CECR2: variants seen among roughly 807,000 people sequenced by gnomAD.
The protein encoded by CECR2 is chromatin remodeling regulator CECR2.
CECR2 carries 30 observed loss-of-function variants against 154.5 expected under a neutral mutation model. The observed-to-expected ratio is 0.19, with a 90% confidence interval of 0.15 to 0.26. The LOEUF is 0.26. CECR2 is among the 10% of genes least tolerant of loss of function. The probability of loss-of-function intolerance (pLI) is 1.00; values close to 1 mark genes in which losing one functional copy is unlikely to be tolerated. For synonymous variants in CECR2, 725 were observed against 683.7 expected, an observed-to-expected ratio of 1.06 and a Z score of -0.94; for missense variants, 1,743 against 1,829.3, an observed-to-expected ratio of 0.95 and a Z score of 0.86.
intron 17 of CECR2, among the ~76,000 whole-genome samples, chr22:17,551,792 G>C (rs1283057565): frequency 1.3e-5 from 2 of 151,610 alleles, no homozygotes; most frequent in Non-Finnish European, 2.9e-5. Flanking sequence ...GCAAGACCCT[G>C]TCTCTAAAAG....
At chr22:17,375,182 C>T (rs1411795436) in intron 1 of CECR2, among the ~76,000 whole-genome samples, 2 of 151,700 alleles carry the variant, frequency 1.3e-5, no homozygotes, top group South Asian at 2.1e-4. Context: ...GGTGTGATCT[C>T]GGCTCACTGC....
chr22:17,485,014 C>T (rs1428103070), intron 2 of CECR2, among the ~76,000 whole-genome samples: 2 of 152,206 alleles, frequency 1.3e-5, no homozygotes, highest in African/African-American at 2.4e-5. Flanking sequence ...GCCACATTTC[C>T]TTTCAACCGT....
At chr22:17,443,130 G>A (rs952604853) in intron 1 of CECR2, among the ~76,000 whole-genome samples, 21 of 152,032 alleles carry the variant, frequency 1.4e-4, no homozygotes, top group Non-Finnish European at 2.5e-4. Context: ...CCTCTAGCTC[G>A]TTTTCTTAAA....
At chr22:17,363,137 C>T (rs2062985397) in intron 1 of CECR2, among the ~76,000 whole-genome samples, 1 of 151,528 alleles carries the variant, frequency 6.6e-6, no homozygotes, top group African/African-American at 2.4e-5. Flanking sequence ...GCAACCTCTG[C>T]CTCCAGGGTT....
intron 1 of CECR2, among the ~76,000 whole-genome samples, chr22:17,371,469 C>T (rs8143070): frequency 0.06 from 9,067 of 152,162 alleles, 368 homozygotes; most frequent in African/African-American, 0.11. Flanking sequence ...ATTCTTTAGA[C>T]AACTGTTAAT....
chr22:17,482,761 CTTT>C (rs34165377), intron 2 of CECR2, among the ~76,000 whole-genome samples: 14,439 of 125,216 alleles, frequency 0.12, 711 homozygotes, highest in Middle Eastern at 0.16. Context: ...TTTTGAACTC[CTTT>C]TTTTTTTTTT....
chr22:17,534,372 T>TA (rs1215851025), intron 9 of CECR2, among the ~76,000 whole-genome samples: 1 of 152,158 alleles, frequency 6.6e-6, no homozygotes, highest in African/African-American at 2.4e-5. Flanking sequence ...CCCTGCTCCT[T>TA]ATATAAGTTC....
chr22:17,498,347 C>T (rs774135620), intron 3 of CECR2, among the ~76,000 whole-genome samples: 4 of 151,408 alleles, frequency 2.6e-5, no homozygotes, highest in South Asian at 4.2e-4. Context: ...GCCGAGATTG[C>T]GCCACTGCAC....
At chr22:17,376,700 G>A (rs373144317) in intron 1 of CECR2, among the ~76,000 whole-genome samples, 1 of 151,030 alleles carries the variant, frequency 6.6e-6, no homozygotes, top group Non-Finnish European at 1.5e-5. Context: ...GTGCAGTGGC[G>A]TGATCTCAGC....
At chr22:17,375,880 G>T (rs1270745362) in intron 1 of CECR2, among the ~76,000 whole-genome samples, 1 of 151,804 alleles carries the variant, frequency 6.6e-6, no homozygotes, top group Non-Finnish European at 1.5e-5. Context: ...CATTGGAGCC[G>T]GGAGACGGAG....
intron 1 of CECR2, among the ~76,000 whole-genome samples, chr22:17,422,437 A>C (rs986427687): frequency 1.3e-5 from 2 of 152,112 alleles, no homozygotes; most frequent in Non-Finnish European, 2.9e-5. Context: ...GACCTCACTC[A>C]GGTGATCCGC....
chr22:17,447,195 C>T (rs1017831431), intron 1 of CECR2, among the ~76,000 whole-genome samples: 4 of 151,858 alleles, frequency 2.6e-5, no homozygotes, highest in East Asian at 1.9e-4. Flanking sequence ...CCACCATGCC[C>T]GGCTAATTTT....
At chr22:17,456,080 C>T (rs1296105093) in intron 1 of CECR2, among the ~76,000 whole-genome samples, 1 of 152,100 alleles carries the variant, frequency 6.6e-6, no homozygotes, top group East Asian at 1.9e-4. Flanking sequence ...TATTTAATCC[C>T]TGTGATGCAT....
chr22:17,398,014 T>C (rs1056701807), intron 1 of CECR2, among the ~76,000 whole-genome samples: 6 of 152,130 alleles, frequency 3.9e-5, no homozygotes, highest in East Asian at 1.9e-4. Flanking sequence ...ACTCTTAGCT[T>C]GCATGGGGAG....
rs1428266116 is a variant in CECR2 at position 17,487,079 on chromosome 22, C to G, written c.221+9397C>G. 2.6e-5 allele frequency among the ~76,000 whole-genome samples: 4 copies of G among 152,152 alleles called. No homozygotes were observed. In the East Asian group the frequency reaches 7.7e-4, roughly 29 times the overall value. On this transcript the variant is annotated intron_variant, in intron 2 of 18. Transcript: ENST00000262608. ...TGAAATGTGGATTCTTCATTTTTGA[C>G]AATTCTTTGCCTTTCTCTTTCAATA...
chr22:17,527,602 A>C (rs1220294062), intron 9 of CECR2, among the ~76,000 whole-genome samples: 1 of 152,178 alleles, frequency 6.6e-6, no homozygotes, highest in African/African-American at 2.4e-5. Context: ...CCCTGCCTCT[A>C]CTAAAAATAC....
intron 9 of CECR2, among the ~76,000 whole-genome samples, chr22:17,531,202 C>T (rs1399156689): frequency 3.3e-5 from 5 of 150,288 alleles, no homozygotes; most frequent in African/African-American, 4.9e-5. Flanking sequence ...AGTTAGAAAA[C>T]AAAAAAAAAG....
At chr22:17,479,413 AATGATT>A (rs1441045202) in intron 2 of CECR2, among the ~76,000 whole-genome samples, 1 of 152,192 alleles carries the variant, frequency 6.6e-6, no homozygotes, top group Non-Finnish European at 1.5e-5. Flanking sequence ...TCATTACAGT[AATGATT>A]ATATAGTTGC....
rs138441431 is a variant in CECR2, at chr22:17,379,075, G to C, written c.126+9166G>C. Among the ~76,000 whole-genome samples, 758 of 152,186 alleles carry C rather than the reference G, an allele frequency of 5.0e-3. 10 individuals are homozygous for C. Among genetic ancestry groups the C allele is most frequent in the Admixed American group, 0.03 (457 of 15,294 alleles). ...AGGTTCAAGCAATTCTCCTGCCTCA[G>C]CCTCTCAAGAAGCTGGTATTACAGG... is the stretch of plus-strand genomic sequence containing the variant. On this transcript the variant is annotated intron_variant, in intron 1 of 18. Coordinates refer to ENST00000262608, the MANE Select transcript of CECR2 (RefSeq NM_001290047.2).
Sources: allele counts gnomAD v4.1 joint callset (sites outside exome capture counted in the v4.1 genomes callset), GRCh38; gene constraint gnomAD v4.1.1; transcripts MANE v1.5; gene names NCBI Gene and HGNC (gene_info 2026-07-23, HGNC 2026-07-21).